The following DLGAP1 variants were observed in gnomAD, a reference collection of about 807,000 sequenced individuals.
DLGAP1 encodes disks large-associated protein 1.
DLGAP1 carries 11 observed loss-of-function variants against 90.8 expected under a neutral mutation model. The observed-to-expected ratio is 0.12, with a 90% CI of 0.08 to 0.20. The LOEUF is 0.20. Ranked by LOEUF, DLGAP1 falls within the 10% of genes least tolerant of loss-of-function variation. DLGAP1 has a pLI of 1.00. For missense variants in DLGAP1, 1,050 were observed against 1,333.8 expected (o/e 0.79, Z 3.31); for synonymous variants, 558 against 540.7 (o/e 1.03, Z -0.44).
intron 3 of DLGAP1, among the ~76,000 whole-genome samples, chr18:3,980,123 G>A (rs879361932): frequency 5.9e-5 from 9 of 152,020 alleles, no homozygotes; most frequent in South Asian, 2.1e-4. Flanking sequence ...GTGACAAAGC[G>A]AGACTTCATC....
intron 1 of DLGAP1, among the ~76,000 whole-genome samples, chr18:4,319,620 A>G (rs1446743054): frequency 6.6e-6 from 1 of 152,232 alleles, no homozygotes; most frequent in Non-Finnish European, 1.5e-5. Flanking sequence ...ACAAGAACAG[A>G]GGCAGAGAAG....
At chr18:4,329,747 A>G (rs1183197932) in intron 1 of DLGAP1, among the ~76,000 whole-genome samples, 2 of 152,156 alleles carry the variant, frequency 1.3e-5, no homozygotes, top group African/African-American at 4.8e-5. Context: ...ATGCTATTAT[A>G]AATTCCATTG....
chr18:3,595,690 A>C (rs2056537964), intron 7 of DLGAP1, among the ~76,000 whole-genome samples: 1 of 152,218 alleles, frequency 6.6e-6, no homozygotes, highest in South Asian at 2.1e-4. Flanking sequence ...CTAATTTGCA[A>C]GGCAGGAGTG....
chr18:4,216,390 C>CAACTAATT (rs2077957034), intron 1 of DLGAP1, among the ~76,000 whole-genome samples: 1 of 151,958 alleles, frequency 6.6e-6, no homozygotes, highest in South Asian at 2.1e-4. Flanking sequence ...TATCACCTAC[C>CAACTAATT]AACTAATTTT....
At chr18:3,849,358 G>C (rs144370260) in intron 4 of DLGAP1, among the ~76,000 whole-genome samples, 4 of 152,152 alleles carry the variant, frequency 2.6e-5, no homozygotes, top group African/African-American at 9.6e-5. Context: ...ATTCACTGTG[G>C]AGAGAACTGA....
Position 3,731,636 on chromosome 18 carries a change from C to T in DLGAP1, c.1351-2261G>A, listed in dbSNP as rs116629266. ...TTCCCAGGCTGGTCTCTCAAACTCCCGGTCTCAAACCATCCTCCCACCTCC... is the reference window on the plus strand; with the variant it reads ...TTCCCAGGCTGGTCTCTCAAACTCCTGGTCTCAAACCATCCTCCCACCTCC... On this transcript the variant is annotated intron_variant, in intron 6 of 12. Transcript: ENST00000315677. 7.5e-3 allele frequency among the ~76,000 whole-genome samples: 1,143 copies of T among 151,444 alleles called. 17 individuals carry two copies. Among genetic ancestry groups the T allele is most frequent in the African/African-American group, 0.026 (1,085 of 41,232 alleles).
chr18:4,255,644 C>G (rs2078873867), intron 1 of DLGAP1, among the ~76,000 whole-genome samples: 1 of 151,972 alleles, frequency 6.6e-6, no homozygotes, highest in Non-Finnish European at 1.5e-5. Flanking sequence ...TGCACAGTTC[C>G]ATCTATCCTG....
intron 3 of DLGAP1, among the ~76,000 whole-genome samples, chr18:3,943,098 C>T (rs962447968): frequency 6.6e-6 from 1 of 152,158 alleles, no homozygotes; most frequent in African/African-American, 2.4e-5. Flanking sequence ...GCTCTCCATT[C>T]GGTTCTCTAT....
intron 5 of DLGAP1, among the ~76,000 whole-genome samples, chr18:3,778,350 A>G (rs992502752): frequency 6.6e-6 from 1 of 152,110 alleles, no homozygotes; most frequent in Non-Finnish European, 1.5e-5. Flanking sequence ...CTGAGGCAGG[A>G]GAATCGCTTG....
chr18:3,569,063 C>T (rs192276541), intron 8 of DLGAP1, among the ~76,000 whole-genome samples: 35 of 151,606 alleles, frequency 2.3e-4, no homozygotes, highest in African/African-American at 4.6e-4. Flanking sequence ...AGTGCAGTGG[C>T]GCAATCTCAG....
At chr18:3,601,065 TATAGATATATAG>T (rs949505048) in intron 7 of DLGAP1, among the ~76,000 whole-genome samples, 19 of 148,040 alleles carry the variant, frequency 1.3e-4, no homozygotes, top group East Asian at 3.9e-4. Flanking sequence ...TATATAGATA[TATAGATATATAG>T]ATAGATATAT....
chr18:3,959,669 A>AAAGAAAGAAAGAAAGAAAGAAAG lies in DLGAP1; in HGVS notation c.-73+45446_-73+45447insCTTTCTTTCTTTCTTTCTTTCTT, dbSNP rs1555714889. Reference sequence around the variant, plus strand: ...ACAGAGCGAGACTCTGTCTCAAAAAAAAAGAAAGAAAGAAAGAAAGAAAGA... The same window carrying AAAGAAAGAAAGAAAGAAAGAAAG: ...ACAGAGCGAGACTCTGTCTCAAAAAAAAGAAAGAAAGAAAGAAAGAAAGAAAGAAAGAAAGAAAGAAAGAAAGA... On this transcript the variant is annotated intron_variant, in intron 3 of 12. Transcript: ENST00000315677. Among the ~76,000 whole-genome samples the AAAGAAAGAAAGAAAGAAAGAAAG allele has an allele frequency of 6.7e-3, 995 of 149,276 alleles. 6 individuals are homozygous for AAAGAAAGAAAGAAAGAAAGAAAG. Among genetic ancestry groups the AAAGAAAGAAAGAAAGAAAGAAAG allele is most frequent in the African/African-American group, 0.018 (736 of 40,038 alleles).
rs75167001 is a variant in DLGAP1 at position 4,130,276 on chromosome 18, C to G, written c.-159+20904G>C. ...TTTCAGAATGAGTAAATTCCAGAGG[C>G]ACTGATGATACCAATATACTCATAT... On this transcript the variant is annotated intron_variant, in intron 2 of 12. Transcript: ENST00000315677. Among the ~76,000 whole-genome samples, 32 of 152,206 alleles carry G rather than the reference C, an allele frequency of 2.1e-4. No individual in the cohort carries two copies. The East Asian group carries it at 4.1e-3, about 19-fold the overall frequency.
chr18:3,666,728 T>C (rs1737288492), intron 7 of DLGAP1, among the ~76,000 whole-genome samples: 2 of 152,220 alleles, frequency 1.3e-5, no homozygotes. Context: ...GATTCTAATC[T>C]GTCAATTTAA....
intron 2 of DLGAP1, among the ~76,000 whole-genome samples, chr18:4,131,453 C>T (rs1307132529): frequency 6.6e-6 from 1 of 152,186 alleles, no homozygotes; most frequent in Non-Finnish European, 1.5e-5. Context: ...AAGGGCCATA[C>T]TTCCTCTGTT....
At chr18:3,808,676 T>A (rs941130947) in intron 5 of DLGAP1, among the ~76,000 whole-genome samples, 7 of 152,060 alleles carry the variant, frequency 4.6e-5, no homozygotes, top group East Asian at 1.9e-4. Context: ...GATGCTCCAA[T>A]CTTCATCCCA....
At chr18:4,126,909 C>A (rs893864382) in intron 2 of DLGAP1, among the ~76,000 whole-genome samples, 1 of 152,202 alleles carries the variant, frequency 6.6e-6, no homozygotes, top group Non-Finnish European at 1.5e-5. Context: ...GAAATGAGAA[C>A]ATCCTACAGG....
chr18:4,379,907 T>G (rs1379010071), intron 1 of DLGAP1, among the ~76,000 whole-genome samples: 1 of 152,192 alleles, frequency 6.6e-6, no homozygotes. Flanking sequence ...GCTAGAAAAT[T>G]TAAGCCAATT....
chr18:3,678,064 C>T (rs920127100), intron 7 of DLGAP1, among the ~76,000 whole-genome samples: 6 of 150,132 alleles, frequency 4.0e-5, no homozygotes, highest in African/African-American at 9.9e-5. Context: ...CAGGTTCAAG[C>T]GATTCTCCTG....
Sources: gnomAD v4.1 joint callset for allele counts (sites outside exome capture counted in the v4.1 genomes callset) on GRCh38, gnomAD v4.1.1 for gene constraint, MANE v1.5 for transcripts, NCBI Gene and HGNC (gene_info 2026-07-23, HGNC 2026-07-21) for gene names.